NELL2: variants seen among roughly 807,000 people sequenced by gnomAD.
NELL2 encodes protein kinase C-binding protein NELL2.
A neutral mutation model predicts 109.6 loss-of-function variants in NELL2; 41 were observed. The observed-to-expected ratio is 0.37, with a 90% CI of 0.29 to 0.49. The LOEUF is 0.49. NELL2 is among the 20% of genes least tolerant of loss of function. The pLI is 0.98. For synonymous variants in NELL2, 355 were observed against 344.7 expected (o/e 1.03, Z -0.33); for missense variants, 900 against 1,008.3 (o/e 0.89, Z 1.45).
At chr12:44,902,382 C>T (rs1945670704) in intron 1 of NELL2, among the ~76,000 whole-genome samples, 2 of 152,106 alleles carry the variant, frequency 1.3e-5, no homozygotes, top group African/African-American at 2.4e-5. Flanking sequence ...CTAAAAACCG[C>T]TGCTCAAGGA....
At chr12:44,919,101 T>C (rs983425793), upstream of NELL2, among the ~76,000 whole-genome samples, 2 of 152,154 alleles carry the variant, frequency 1.3e-5, no homozygotes, top group African/African-American at 2.4e-5. Flanking sequence ...AGAAAATAAA[T>C]ACTTTGTCTA....
chr12:44,684,185 G>C (rs1393864950), intron 12 of NELL2, among the ~76,000 whole-genome samples: 1 of 152,216 alleles, frequency 6.6e-6, no homozygotes, highest in Non-Finnish European at 1.5e-5. Context: ...ATTTCTTCTA[G>C]ATTTTCTAGT....
At chr12:44,750,115 A>AGTTTTCATTCTCCAAAAAACT (rs1409234911) in intron 9 of NELL2, among the ~76,000 whole-genome samples, 37 of 152,318 alleles carry the variant, frequency 2.4e-4, no homozygotes, top group Non-Finnish European at 4.4e-4. Flanking sequence ...TTGGAACTAG[A>AGTTTTCATTCTCCAAAAAACT]AAAGTGTCAT....
At chr12:44,748,925 T>C (rs576360572) in intron 9 of NELL2, among the ~76,000 whole-genome samples, 26 of 152,316 alleles carry the variant, frequency 1.7e-4, no homozygotes, top group African/African-American at 5.8e-4. Flanking sequence ...AATTGCATTA[T>C]AGTGAATTTG....
intron 15 of NELL2, among the ~76,000 whole-genome samples, chr12:44,558,462 C>T (rs1253281279): frequency 6.6e-6 from 1 of 152,132 alleles, no homozygotes; most frequent in Non-Finnish European, 1.5e-5. Context: ...AGGTACCTGG[C>T]TCATGTTATT....
At chr12:44,627,037 T>C (rs1042976273) in intron 13 of NELL2, among the ~76,000 whole-genome samples, 1 of 152,146 alleles carries the variant, frequency 6.6e-6, no homozygotes, top group Non-Finnish European at 1.5e-5. Context: ...TTAACAGGGT[T>C]TGACAGCTGG....
chr12:44,644,420 C>T (rs1205320403), intron 13 of NELL2, among the ~76,000 whole-genome samples: 1 of 151,306 alleles, frequency 6.6e-6, no homozygotes, highest in African/African-American at 2.4e-5. Context: ...CCCTAAACTT[C>T]TCCTCTAGAA....
rs868606902 is a variant in NELL2, at chr12:44,826,902, A to G, written c.185-10766T>C. ...CTTATTTTAAATTAACCTTTATAAA[A>G]GTATATTCTGAAGATAAATAAATAA... is the stretch of plus-strand genomic sequence containing the variant. On this transcript the variant is annotated intron_variant, in intron 2 of 19. Transcript: ENST00000429094. Among the ~76,000 whole-genome samples, 1,424 of 152,350 alleles carry G rather than the reference A, an allele frequency of 9.3e-3. 15 individuals are homozygous for G. Among genetic ancestry groups the G allele is most frequent in the African/African-American group, 0.032 (1,334 of 41,566 alleles).
intron 3 of NELL2, among the ~76,000 whole-genome samples, chr12:44,801,219 C>G (rs1485971586): frequency 6.6e-6 from 1 of 151,982 alleles, no homozygotes; most frequent in Non-Finnish European, 1.5e-5. Context: ...AAATAGTTAC[C>G]CAATAATGTA....
chr12:44,513,170 A>G (rs930957891), intron 19 of NELL2, among the ~76,000 whole-genome samples: 5 of 152,004 alleles, frequency 3.3e-5, no homozygotes, highest in Non-Finnish European at 5.9e-5. Flanking sequence ...TAGGTGTAAA[A>G]CAATACCTAC....
At chr12:44,526,377 G>A (rs1318587404) in intron 16 of NELL2, among the ~76,000 whole-genome samples, 1 of 152,106 alleles carries the variant, frequency 6.6e-6, no homozygotes, top group Non-Finnish European at 1.5e-5. Context: ...AACAACCCTC[G>A]AAGATATAAT....
At chr12:44,656,496 A>T (rs1188073033) in intron 13 of NELL2, among the ~76,000 whole-genome samples, 1 of 152,238 alleles carries the variant, frequency 6.6e-6, no homozygotes, top group Non-Finnish European at 1.5e-5. Context: ...TTTCCTCAAC[A>T]TAAGAACTTG....
intron 2 of NELL2, among the ~76,000 whole-genome samples, chr12:44,867,944 AC>A: frequency 6.6e-6 from 1 of 152,024 alleles, no homozygotes; most frequent in East Asian, 1.9e-4. Context: ...ACATGGTGAA[AC>A]CCTGTCTCTA....
intron 2 of NELL2, among the ~76,000 whole-genome samples, chr12:44,857,027 A>G (rs890669435): frequency 4.6e-5 from 7 of 152,226 alleles, no homozygotes; most frequent in Admixed American, 1.3e-4. Context: ...CAAAAAAATT[A>G]TAATACAGTG....
At chr12:44,608,170 A>C (rs983237955) in intron 14 of NELL2, among the ~76,000 whole-genome samples, 3 of 152,048 alleles carry the variant, frequency 2.0e-5, no homozygotes, top group African/African-American at 7.2e-5. Context: ...CAAAGTCTAT[A>C]ATGAGTGAAT....
chr12:44,821,529 T>C (rs1943542982), intron 2 of NELL2, among the ~76,000 whole-genome samples: 2 of 152,222 alleles, frequency 1.3e-5, no homozygotes, highest in South Asian at 4.1e-4. Flanking sequence ...GCATTTCTGT[T>C]TCCAAATTTG....
intron 9 of NELL2, among the ~76,000 whole-genome samples, chr12:44,760,393 A>AT (rs1941071905): frequency 1.3e-5 from 2 of 152,184 alleles, no homozygotes; most frequent in Non-Finnish European, 1.5e-5. Flanking sequence ...AGAGACATAT[A>AT]ATTATCATGA....
At chr12:44,559,138 T>C (rs543352442) in intron 15 of NELL2, among the ~76,000 whole-genome samples, 1 of 152,304 alleles carries the variant, frequency 6.6e-6, no homozygotes, top group Non-Finnish European at 1.5e-5. Context: ...CGAGAGATTT[T>C]GTCACTGCCA....
intron 2 of NELL2, among the ~76,000 whole-genome samples, chr12:44,827,130 A>C (rs1228794941): frequency 1.3e-5 from 2 of 152,140 alleles, no homozygotes; most frequent in Non-Finnish European, 2.9e-5. Context: ...GTTCCCCACA[A>C]ACCCACAATT....
Sources: allele counts gnomAD v4.1 joint callset (sites outside exome capture counted in the v4.1 genomes callset), GRCh38; gene constraint gnomAD v4.1.1; transcripts MANE v1.5; gene names NCBI Gene and HGNC (gene_info 2026-07-23, HGNC 2026-07-21).